NRXN1: variants seen among roughly 807,000 people sequenced by gnomAD.
NRXN1 encodes neurexin 1, also known as neurexin-1.
A neutral mutation model predicts 150.9 loss-of-function variants in NRXN1; 39 were observed. The ratio of observed to expected loss-of-function variants is 0.26; its 90% CI spans 0.20 to 0.34. The LOEUF (loss-of-function observed/expected upper bound fraction) is 0.34, where lower values mean the gene tolerates loss of function less well. NRXN1 is among the 10% of genes least tolerant of loss of function. NRXN1 has a pLI of 1.00. For missense variants in NRXN1, 1,815 were observed against 1,949.9 expected (o/e 0.93, Z 1.30); for synonymous variants, 924 against 757.0 (o/e 1.22, Z -3.62).
intron 22 of NRXN1, among the ~76,000 whole-genome samples, chr2:49,931,294 C>A (rs990080505): frequency 6.6e-6 from 1 of 152,112 alleles, no homozygotes; most frequent in Non-Finnish European, 1.5e-5. Context: ...AATCAGAAAT[C>A]ACTTCTTCTG....
chr2:50,706,810 A>AT (rs139071115), intron 5 of NRXN1, among the ~76,000 whole-genome samples: 1,764 of 140,574 alleles, frequency 0.013, 8 homozygotes, highest in Non-Finnish European at 0.016. Context: ...ACATATTTGG[A>AT]TTTTTTTTTT....
intron 5 of NRXN1, among the ~76,000 whole-genome samples, chr2:50,757,534 GA>G (rs1392531861): frequency 6.6e-6 from 1 of 151,604 alleles, no homozygotes; most frequent in Non-Finnish European, 1.5e-5. Flanking sequence ...TATGATATAT[GA>G]ATACAAATTA....
At chr2:50,348,925 C>A (rs1424404245) in intron 17 of NRXN1, among the ~76,000 whole-genome samples, 1 of 151,956 alleles carries the variant, frequency 6.6e-6, no homozygotes, top group African/African-American at 2.4e-5. Context: ...TCACCATCTA[C>A]ATAATTGTTA....
At chr2:50,958,508 G>T (rs1351311142) in intron 2 of NRXN1, among the ~76,000 whole-genome samples, 1 of 151,800 alleles carries the variant, frequency 6.6e-6, no homozygotes, top group African/African-American at 2.4e-5. Context: ...TTCATTTATG[G>T]AGTATTTATT....
chr2:51,018,181 G>C (rs1669035366), intron 2 of NRXN1, among the ~76,000 whole-genome samples: 1 of 152,044 alleles, frequency 6.6e-6, no homozygotes, highest in Non-Finnish European at 1.5e-5. Context: ...AATTCATTAT[G>C]TCTATAATTA....
rs144102597 is a variant in NRXN1 at position 50,563,666 on chromosome 2, A to C, written c.1321-10641T>G. On this transcript the variant is annotated intron_variant, in intron 8 of 22. Transcript: ENST00000401669. ...GGGAGTCAACAGTGGACAAGATGGAATCTGAATGTTTGCCTCCAGAGCCTG... is the reference window on the plus strand; with the variant it reads ...GGGAGTCAACAGTGGACAAGATGGACTCTGAATGTTTGCCTCCAGAGCCTG... Among the ~76,000 whole-genome samples the C allele has an allele frequency of 1.5e-3, 234 of 152,272 alleles. 6 individuals carry two copies. Among genetic ancestry groups the C allele is most frequent in the Non-Finnish European group, 1.5e-3 (100 of 68,024 alleles).
chr2:50,065,917 G>C (rs1236291853), intron 19 of NRXN1, among the ~76,000 whole-genome samples: 3 of 152,134 alleles, frequency 2.0e-5, no homozygotes, highest in African/African-American at 7.2e-5. Context: ...ATTGTAACAT[G>C]TTACAGTAAA....
At chr2:50,561,362 T>A (rs1473584510) in intron 8 of NRXN1, among the ~76,000 whole-genome samples, 1 of 152,202 alleles carries the variant, frequency 6.6e-6, no homozygotes, top group South Asian at 2.1e-4. Flanking sequence ...AATGGAAAAA[T>A]GAACCACAAA....
chr2:50,967,516 G>T (rs1034600765), intron 2 of NRXN1, among the ~76,000 whole-genome samples: 1 of 151,952 alleles, frequency 6.6e-6, no homozygotes, highest in Non-Finnish European at 1.5e-5. Flanking sequence ...GGAAGTATGG[G>T]CACTGATTAT....
intron 5 of NRXN1, among the ~76,000 whole-genome samples, chr2:50,867,742 TCTAA>T (rs1034065396): frequency 3.7e-4 from 56 of 151,944 alleles, no homozygotes; most frequent in African/African-American, 1.3e-3. Flanking sequence ...CATTTTTAAA[TCTAA>T]CTAACCATTC....
chr2:50,101,829 A>C (rs896855205), intron 18 of NRXN1, among the ~76,000 whole-genome samples: 5 of 151,962 alleles, frequency 3.3e-5, no homozygotes, highest in African/African-American at 1.2e-4. Flanking sequence ...AATGTTTTCA[A>C]GTGTGTTTGA....
intron 18 of NRXN1, among the ~76,000 whole-genome samples, chr2:50,155,131 C>T (rs984251482): frequency 1.3e-4 from 19 of 151,474 alleles, no homozygotes; most frequent in African/African-American, 4.4e-4. Flanking sequence ...CCCAGTAATG[C>T]GATTCAAGTT....
At chr2:50,760,331 T>TA (rs1701662929) in intron 5 of NRXN1, among the ~76,000 whole-genome samples, 1 of 151,880 alleles carries the variant, frequency 6.6e-6, no homozygotes, top group Non-Finnish European at 1.5e-5. Flanking sequence ...GGAAAGGCGT[T>TA]AGTCACACAC....
intron 19 of NRXN1, among the ~76,000 whole-genome samples, chr2:50,061,455 G>T (rs908669919): frequency 2.6e-5 from 4 of 152,156 alleles, no homozygotes; most frequent in Non-Finnish European, 5.9e-5. Context: ...AAAACAAGTG[G>T]AATGTCCCTG....
chr2:50,059,878 A>T (rs139836666), intron 19 of NRXN1, among the ~76,000 whole-genome samples: 90 of 152,306 alleles, frequency 5.9e-4, no homozygotes, highest in African/African-American at 2.0e-3. Flanking sequence ...ATTTCAGAGG[A>T]TGTATGAAAA....
chr2:50,356,211 A>T (rs1174992029), intron 17 of NRXN1, among the ~76,000 whole-genome samples: 1 of 152,194 alleles, frequency 6.6e-6, no homozygotes, highest in Non-Finnish European at 1.5e-5. Flanking sequence ...CCATTCAAAT[A>T]ATATTACTAT....
chr2:50,404,850 T>C (rs2082643826), intron 17 of NRXN1, among the ~76,000 whole-genome samples: 1 of 152,018 alleles, frequency 6.6e-6, no homozygotes, highest in African/African-American at 2.4e-5. Flanking sequence ...AGAGAAAGGA[T>C]CTTGACTTGA....
intron 18 of NRXN1, among the ~76,000 whole-genome samples, chr2:50,163,291 T>G (rs2059478241): frequency 6.6e-6 from 1 of 151,904 alleles, no homozygotes; most frequent in Non-Finnish European, 1.5e-5. Context: ...TGAAGGTAAC[T>G]GCTTCAATGG....
Position 50,272,448 on chromosome 2 carries a change from T to C in NRXN1, c.3365-35478A>G, listed in dbSNP as rs7558906. On this transcript the variant is annotated intron_variant, in intron 17 of 22. Coordinates refer to ENST00000401669, the MANE Select transcript of NRXN1 (RefSeq NM_001330078.2). ...AAAACAACAGCTCCCATTGAACAAC[T>C]GGAGGTAGAAAAAAGTGGCAAACAG... Among the ~76,000 whole-genome samples, 419 of 152,216 alleles carry C rather than the reference T, an allele frequency of 2.8e-3. 1 individual carries two copies. Among genetic ancestry groups the C allele is most frequent in the African/African-American group, 9.3e-3 (387 of 41,500 alleles).
Sources: allele counts gnomAD v4.1 joint callset (sites outside exome capture counted in the v4.1 genomes callset), GRCh38; gene constraint gnomAD v4.1.1; transcripts MANE v1.5; gene names NCBI Gene and HGNC (gene_info 2026-07-23, HGNC 2026-07-21).